ABCA1: variants seen among roughly 807,000 people sequenced by gnomAD.
The protein encoded by ABCA1 is phospholipid-transporting ATPase ABCA1.
A neutral mutation model predicts 262.5 loss-of-function variants in ABCA1; 133 were observed. That is an observed-to-expected ratio of 0.51 (90% confidence interval 0.44 to 0.59). The LOEUF is 0.59. ABCA1 is among the 20% of genes least tolerant of loss of function. The pLI, the probability that ABCA1 is intolerant of heterozygous loss-of-function variation, is 0.00. For missense variants in ABCA1, 2,452 were observed against 2,777.5 expected (o/e 0.88, Z 2.63); for synonymous variants, 1,022 against 1,043.5 (o/e 0.98, Z 0.40).
At chr9:104,848,963 C>T (rs950919979) in intron 7 of ABCA1, among the ~76,000 whole-genome samples, 1 of 152,124 alleles carries the variant, frequency 6.6e-6, no homozygotes, top group Non-Finnish European at 1.5e-5. Flanking sequence ...TTTCTAAAAA[C>T]CCCAAACCCA....
intron 31 of ABCA1, among the ~76,000 whole-genome samples, chr9:104,805,357 G>A (rs992796198): frequency 6.6e-6 from 1 of 152,160 alleles, no homozygotes; most frequent in Non-Finnish European, 1.5e-5. Flanking sequence ...TTACAGGTGT[G>A]AGCCACCCCG....
chr9:104,834,022 G>C (rs1196690916), intron 11 of ABCA1, among the ~76,000 whole-genome samples: 1 of 142,726 alleles, frequency 7.0e-6, no homozygotes, highest in African/African-American at 2.5e-5. Flanking sequence ...TACCGAATTG[G>C]AGTCTCCAAG....
chr9:104,912,821 GA>G (rs36047954), intron 1 of ABCA1, among the ~76,000 whole-genome samples: 1 of 151,716 alleles, frequency 6.6e-6, no homozygotes, highest in African/African-American at 2.4e-5. Context: ...CTATGTCATA[GA>G]AAAAAAATCA....
intron 9 of ABCA1, 47 bp downstream of exon 9, chr9:104,840,228 TAAGG>T: frequency 6.2e-7 from 1 of 1,613,300 alleles, no homozygotes; most frequent in Non-Finnish European, 8.5e-7. Flanking sequence ...AGGCCAGAAC[TAAGG>T]GAGGGATGGG....
At chr9:104,804,480 A>T (rs1830600820) in intron 32 of ABCA1, 146 bp downstream of exon 32, 1 of 731,492 alleles carries the variant, frequency 1.4e-6, no homozygotes, top group African/African-American at 1.7e-5. Context: ...CATCTTTTCT[A>T]GTTTGGGATA....
chr9:104,862,679 C>CAGGGCAGGGCCGGGCAGGGCA (rs1564199103), intron 5 of ABCA1, among the ~76,000 whole-genome samples: 1 of 9,482 alleles, frequency 1.1e-4, no homozygotes. Flanking sequence ...CGGGCCGGGC[C>CAGGGCAGGGCCGGGCAGGGCA]GGGCCGGGCC....
intron 7 of ABCA1, among the ~76,000 whole-genome samples, chr9:104,857,005 T>A (rs1272046668): frequency 2.0e-5 from 3 of 152,132 alleles, no homozygotes; most frequent in Non-Finnish European, 4.4e-5. Context: ...TATACCTTAC[T>A]TTAAAATTAT....
chr9:104,822,773 T>A, intron 18 of ABCA1, 106 bp from the exon 19 acceptor site: 2 of 1,316,568 alleles, frequency 1.5e-6, no homozygotes, highest in East Asian at 4.7e-5. Flanking sequence ...CTTCTCTCCA[T>A]GTCCACCCTG....
intron 5 of ABCA1, among the ~76,000 whole-genome samples, chr9:104,879,503 A>C (rs1838444327): frequency 6.6e-6 from 1 of 152,208 alleles, no homozygotes; most frequent in African/African-American, 2.4e-5. Context: ...ATCAGATATA[A>C]TACATGGCAA....
intron 11 of ABCA1, 103 bp from the exon 12 acceptor site, chr9:104,832,874 C>T (rs779978829): frequency 1.1e-4 from 123 of 1,098,688 alleles, no homozygotes; most frequent in Non-Finnish European, 1.6e-4. Flanking sequence ...GTTGTTTTAT[C>T]CTCACAGAAA....
rs1179619767 is a variant in ABCA1 at position 104,845,544 on chromosome 9, A to G, written c.746T>C (p.Phe249Ser). 6.2e-7 allele frequency: 1 copy of G among 1,613,750 alleles called. No homozygotes were observed. The highest frequency in any genetic ancestry group is 8.5e-7 in the Non-Finnish European group (1 of 1,179,804). Residue 249 changes from phenylalanine to serine, a missense_variant, in exon 8 of 50, where the codon TTC (phenylalanine) becomes TCC (serine). Phe to Ser is a radical substitution (Grantham distance 155, BLOSUM62 -2). This residue lies in a region of ABCA1 where 1,032 missense variants were observed against 1,089.7 expected (regional missense o/e 0.95). Transcript: ENST00000374736. ...GGCTTCAGCCAGCTCCTTGCTCGGG[A>G]AGGGAGATGTAGAGTTTAGTGTTCT... is the stretch of plus-strand genomic sequence containing the variant. ...ILRTLNSTSPFPSKELAEATK... is the reference protein window; with the variant it reads ...ILRTLNSTSPSPSKELAEATK...
intron 14 of ABCA1, among the ~76,000 whole-genome samples, chr9:104,830,056 G>A (rs1270667837): frequency 6.6e-6 from 1 of 151,868 alleles, no homozygotes; most frequent in East Asian, 1.9e-4. Context: ...TATTTCAGAT[G>A]TCTGCAATAA....
chr9:104,884,297 ACT>A, intron 4 of ABCA1, 128 bp downstream of exon 4: 1 of 1,189,396 alleles, frequency 8.4e-7, no homozygotes, highest in Non-Finnish European at 1.2e-6. Context: ...CATTCTGCAG[ACT>A]CTATCACACA....
At chr9:104,795,590 G>T (rs571616631) in intron 39 of ABCA1, among the ~76,000 whole-genome samples, 10 of 152,304 alleles carry the variant, frequency 6.6e-5, no homozygotes, top group Non-Finnish European at 1.5e-4. Flanking sequence ...ACATATCCAG[G>T]TTGGGGTATC....
intron 2 of ABCA1, among the ~76,000 whole-genome samples, chr9:104,899,735 A>T (rs1299523039): frequency 6.6e-6 from 1 of 151,896 alleles, no homozygotes; most frequent in Non-Finnish European, 1.5e-5. Context: ...CAGCCACATG[A>T]CTAGTCAGAT....
At position 104,801,788 on chromosome 9, in the gene ABCA1, C is replaced by T. The variant is rs143459648; in HGVS notation, c.4698+266G>A. Among the ~76,000 whole-genome samples the T allele has an allele frequency of 1.5e-3, 222 of 152,316 alleles. 2 individuals carry two copies. Among genetic ancestry groups the T allele is most frequent in the African/African-American group, 5.2e-3 (215 of 41,562 alleles). On this transcript the variant is annotated intron_variant, in intron 34 of 49. Coordinates refer to ENST00000374736, the MANE Select transcript of ABCA1 (RefSeq NM_005502.4). ...CGAACTCCTGACCTCAAGTGATCCA[C>T]CCGCTTCGGCCTCCCAAAGTGCTAG... is the stretch of plus-strand genomic sequence containing the variant.
Position 104,825,642 on chromosome 9 carries a change from T to C in ABCA1, c.2542+41A>G, listed in dbSNP as rs149118681. On this transcript the variant is annotated intron_variant, in intron 17 of 49. Transcript: ENST00000374736. Reference sequence around the variant, plus strand: ...TCTAGCACAAAGAAAGGACATCAGCTAGAAGTCATATTTTCCAAACAGATG... The same window carrying C: ...TCTAGCACAAAGAAAGGACATCAGCCAGAAGTCATATTTTCCAAACAGATG... The C allele has an allele frequency of 7.1e-4, 1,128 of 1,593,416 alleles. 5 individuals carry two copies. The highest frequency in any genetic ancestry group is 6.5e-3 in the Middle Eastern group (39 of 6,010).
Position 104,800,523 on chromosome 9 carries a change from T to C in ABCA1, c.4760A>G (p.Lys1587Arg), listed in dbSNP as rs2230808. 0.73 allele frequency: 1,170,022 copies of C among 1,612,774 alleles called. 437,586 individuals are homozygous for C. Among genetic ancestry groups the C allele is most frequent in the Admixed American group, 0.77 (46,109 of 59,988 alleles). ...ACAGCGGTTTACCTTGACATTATTT[T>C]TGGTGTCCAGTCCTGTCATAAATCT... ...LGRFMTGLDT[K>R]NNVKVWFNNK... The change falls in exon 35 of 50, where the codon AAA becomes AGA. Residue 1587 changes from lysine to arginine, a missense_variant. Around this residue, in one of 4 missense-constraint regions of ABCA1, gnomAD observed 752 missense variants for 944.5 expected, o/e 0.80. Transcript: ENST00000374736.
At chr9:104,917,397 C>T (rs986447615) in intron 1 of ABCA1, among the ~76,000 whole-genome samples, 12 of 152,150 alleles carry the variant, frequency 7.9e-5, no homozygotes, top group Admixed American at 5.9e-4. Flanking sequence ...CATTGAACCA[C>T]ATCATGAGAA....
Sources: gnomAD v4.1 joint callset for allele counts (sites outside exome capture counted in the v4.1 genomes callset) on GRCh38, gnomAD v4.1.1 for gene constraint, gnomAD v4.1.1 regional missense constraint, MANE v1.5 for transcripts, NCBI Gene and HGNC (gene_info 2026-07-23, HGNC 2026-07-21) for gene names.